CNTN2: variants seen among roughly 807,000 people sequenced by gnomAD.
CNTN2 encodes the protein contactin 2, also known as contactin-2.
Under a neutral mutation model 117.5 loss-of-function variants are expected in CNTN2, and 53 were observed. The observed-to-expected ratio is 0.45, with a 90% CI of 0.36 to 0.57. CNTN2 has a LOEUF of 0.57. CNTN2 is among the 20% of genes least tolerant of loss of function. The pLI is 0.00. For missense variants in CNTN2, 1,106 were observed against 1,404.3 expected, an observed-to-expected ratio of 0.79 and a Z score of 3.39; for synonymous variants, 530 against 561.7, an observed-to-expected ratio of 0.94 and a Z score of 0.80.
chr1:205,073,493 C>T lies in CNTN2; in HGVS notation c.3014-163C>T, dbSNP rs755058976. The T allele has an allele frequency of 2.2e-5, 16 of 730,974 alleles. No homozygotes were observed. Among genetic ancestry groups the T allele is most frequent in the Non-Finnish European group, 3.4e-5 (15 of 443,120 alleles). 45.3% of individuals were successfully genotyped at this position (730,974 alleles called of 1,614,324 possible). On this transcript the variant is annotated intron_variant, in intron 22 of 22. Coordinates refer to ENST00000331830, the MANE Select transcript of CNTN2 (RefSeq NM_005076.5). This position sits in a 1 kb window ranked among gnomAD's most constrained non-coding sequence, Gnocchi z 6.3. The stretch of plus-strand genomic sequence containing the variant: ...AGGACCAACCAGCAATAGCAAACGG[C>T]CTACAAAGCACCGTAGGAGTCGGAC...
chr1:205,072,844 G>A lies in CNTN2; in HGVS notation c.2845-224G>A, dbSNP rs1654662717. 6 of 630,278 alleles carry A rather than the reference G, an allele frequency of 9.5e-6. 1 individual carries two copies. The South Asian group carries it at 9.8e-5, about 10-fold the overall frequency. The allele number at this position is 630,278 out of a possible 1,614,324, so 39.0% of individuals were successfully genotyped here. On this transcript the variant is annotated intron_variant, in intron 21 of 22. Coordinates refer to ENST00000331830, the MANE Select transcript of CNTN2 (RefSeq NM_005076.5). ...AGGGGCAGTGATGGACTATGGGGATGGAGTATGGGGGTTCTTCTAGCTTAA... is the reference window on the plus strand; with the variant it reads ...AGGGGCAGTGATGGACTATGGGGATAGAGTATGGGGGTTCTTCTAGCTTAA...
At chr1:205,055,614 G>C (rs1016875679) in intron 2 of CNTN2, among the ~76,000 whole-genome samples, 6 of 152,304 alleles carry the variant, frequency 3.9e-5, no homozygotes, top group Non-Finnish European at 8.8e-5. Context: ...TTATCTGTGA[G>C]ATGGAGCAGG....
Position 205,065,842 on chromosome 1 carries a change from G to T in CNTN2, c.1749G>T (p.Gly583=). 1 of 1,602,678 alleles carries T rather than the reference G, an allele frequency of 6.2e-7. No homozygotes were observed. Among genetic ancestry groups the T allele is most frequent in the Non-Finnish European group, 8.5e-7 (1 of 1,172,092 alleles). ...TILNAQLRHG[G]KYTCMAQTVV... is the part of the protein sequence containing the mutation. ...TGAACGCCCAGCTGCGCCATGGGGG[G>T]AAGTACACGTGCATGGCCCAGACGG... Residue 583 remains glycine (G), a synonymous_variant, in exon 14 of 23, where the codon GGG becomes GGT. Transcript: ENST00000331830. This position sits in a 1 kb window ranked among gnomAD's most constrained non-coding sequence, Gnocchi z 4.1.
intron 2 of CNTN2, among the ~76,000 whole-genome samples, chr1:205,056,130 G>A (rs530741008): frequency 6.6e-6 from 1 of 152,192 alleles, no homozygotes; most frequent in African/African-American, 2.4e-5. Flanking sequence ...GTGGACAGCT[G>A]AGAGCAGAGG....
At chr1:205,062,379 C>G in intron 9 of CNTN2, 61 bp from the exon 10 acceptor site, 1 of 1,554,984 alleles carries the variant, frequency 6.4e-7, no homozygotes, top group Non-Finnish European at 8.7e-7. Context: ...CCCCTGCCAA[C>G]CCCTCCTCCC....
At chr1:205,056,096 G>T (rs779671281) in intron 2 of CNTN2, among the ~76,000 whole-genome samples, 50 of 152,150 alleles carry the variant, frequency 3.3e-4, no homozygotes, top group Non-Finnish European at 5.3e-4. Context: ...ATGCGAAGGG[G>T]TGTGTATGTG....
chr1:205,059,413 G>A lies in CNTN2; in HGVS notation c.697+120G>A, dbSNP rs952459614. The A allele has an allele frequency of 2.5e-6, 3 of 1,196,958 alleles. No individual in the cohort carries two copies. The highest frequency in any genetic ancestry group is 1.2e-6 in the Non-Finnish European group (1 of 835,630). 74.1% of individuals were successfully genotyped at this position (1,196,958 alleles called of 1,614,324 possible). On this transcript the variant is annotated intron_variant, in intron 6 of 22. Transcript: ENST00000331830. The surrounding 1 kb of genome is among the most constrained non-coding windows in gnomAD (Gnocchi z 5.6). ...TTGCAGGGCACTGATTCCAGGCCCTGGACCCCCAGATCCTCCTGCTTCAAA... is the reference window on the plus strand; with the variant it reads ...TTGCAGGGCACTGATTCCAGGCCCTAGACCCCCAGATCCTCCTGCTTCAAA...
chr1:205,044,535 T>C (rs2096438047), intron 1 of CNTN2, among the ~76,000 whole-genome samples: 1 of 151,926 alleles, frequency 6.6e-6, no homozygotes, highest in African/African-American at 2.4e-5. Context: ...AAAGGTGGGT[T>C]TCAGCATCTT....
intron 1 of CNTN2, among the ~76,000 whole-genome samples, chr1:205,050,571 G>A (rs1426385090): frequency 1.3e-5 from 2 of 152,098 alleles, no homozygotes; most frequent in African/African-American, 4.8e-5. Flanking sequence ...TATAAAATAG[G>A]CTTTGTATTT....
chr1:205,066,613 C>T lies in CNTN2; in HGVS notation c.1975+14C>T, dbSNP rs1654306166. On this transcript the variant is annotated intron_variant, in intron 15 of 22. Transcript: ENST00000331830. Reference sequence around the variant, plus strand: ...AGGTTCGGACCAGTAAGTGTGAGCCCCACCTGGGTCAGTGCTGATAAGGCT... The same window carrying T: ...AGGTTCGGACCAGTAAGTGTGAGCCTCACCTGGGTCAGTGCTGATAAGGCT... The T allele has an allele frequency of 6.2e-7, 1 of 1,613,178 alleles. No homozygotes were observed. Among genetic ancestry groups the T allele is most frequent in the African/African-American group, 1.3e-5 (1 of 75,036 alleles).
At chr1:205,052,812 T>C (rs1014978628) in intron 1 of CNTN2, among the ~76,000 whole-genome samples, 2 of 151,960 alleles carry the variant, frequency 1.3e-5, no homozygotes, top group Non-Finnish European at 2.9e-5. Flanking sequence ...TACCTCCCAA[T>C]TAATCACTGC....
intron 19 of CNTN2, among the ~76,000 whole-genome samples, chr1:205,071,031 C>T (rs916206256): frequency 6.6e-6 from 1 of 151,864 alleles, no homozygotes; most frequent in Non-Finnish European, 1.5e-5. Context: ...GGCTTATGCC[C>T]ATTGGGGAAG....
intron 1 of CNTN2, among the ~76,000 whole-genome samples, chr1:205,045,242 A>C (rs2096439497): frequency 6.7e-6 from 1 of 149,718 alleles, no homozygotes; most frequent in Non-Finnish European, 1.5e-5. Flanking sequence ...CTTTCCTCGC[A>C]CTCCCTTCTC....
chr1:205,069,689 C>G, intron 17 of CNTN2, 128 bp downstream of exon 17: 1 of 1,392,168 alleles, frequency 7.2e-7, no homozygotes, highest in Non-Finnish European at 1.0e-6. Context: ...TTCCACGCAC[C>G]CGCTGCCCCT....
At chr1:205,072,766 G>A (rs1269013886) in intron 21 of CNTN2, 171 bp downstream of exon 21, 3 of 681,838 alleles carry the variant, frequency 4.4e-6, no homozygotes, top group Non-Finnish European at 7.7e-6. Context: ...GTAACTTGCA[G>A]TAGAAACTAT....
chr1:205,069,437 C>A lies in CNTN2; in HGVS notation c.2126-54C>A, dbSNP rs1008884945. The stretch of plus-strand genomic sequence containing the variant: ...TCTACAGGCACAGGCTCAGGGCTTT[C>A]ATTTTTTCCTTGCTCATTAACAAGC... On this transcript the variant is annotated intron_variant, in intron 16 of 22. Transcript: ENST00000331830. 8.2e-6 allele frequency: 13 copies of A among 1,583,424 alleles called. No individual in the cohort carries two copies. In the Admixed American group the frequency reaches 2.0e-4, roughly 25 times the overall value.
Position 205,070,414 on chromosome 1 carries a change from A to G in CNTN2, c.2432-12A>G, listed in dbSNP as rs750433164. Reference sequence around the variant, plus strand: ...CCCTGGGAATCCAAACCCATTCTGTATTGGTCCCCAGAGCCCAGGGTGGCC... The same window carrying G: ...CCCTGGGAATCCAAACCCATTCTGTGTTGGTCCCCAGAGCCCAGGGTGGCC... On this transcript the variant is annotated splice_polypyrimidine_tract_variant and intron_variant, in intron 18 of 22. Coordinates refer to ENST00000331830, the MANE Select transcript of CNTN2 (RefSeq NM_005076.5). 34 of 1,591,494 alleles carry G rather than the reference A, an allele frequency of 2.1e-5. No homozygotes were observed. The highest frequency in any genetic ancestry group is 1.3e-4 in the Admixed American group (8 of 59,658).
intron 7 of CNTN2, chr1:205,060,947 C>T (rs547093757): frequency 2.2e-4 from 75 of 348,566 alleles, no homozygotes; most frequent in Middle Eastern, 7.6e-4. Flanking sequence ...GTGACCGGTG[C>T]GGGAGAGGGC....
In CNTN2 at chr1:205,058,352, C is replaced by T. The variant is rs957164200; in HGVS notation, c.387C>T (p.Phe129=). 9.8e-6 allele frequency: 15 copies of T among 1,524,956 alleles called. No individual in the cohort carries two copies. Among genetic ancestry groups the T allele is most frequent in the African/African-American group, 1.4e-5 (1 of 72,196 alleles). 94.5% of individuals were successfully genotyped at this position (1,524,956 alleles called of 1,614,324 possible). The change falls in exon 4 of 23, where the codon TTC becomes TTT. Residue 129 remains phenylalanine (F), a synonymous_variant. Transcript: ENST00000331830. This position sits in a 1 kb window ranked among gnomAD's most constrained non-coding sequence, Gnocchi z 4.3. ...TVVSREAILR[F]GFLQEFSKEE... ...TCAGCAGGGAGGCCATCCTCCGCTT[C>T]GGCTGTGAGACCCGCGGGGGACCAA...
Sources: allele counts gnomAD v4.1 joint callset (sites outside exome capture counted in the v4.1 genomes callset), GRCh38; gene constraint gnomAD v4.1.1; non-coding constraint Gnocchi (gnomAD v3.1); transcripts MANE v1.5; gene names NCBI Gene and HGNC (gene_info 2026-07-23, HGNC 2026-07-21).